Variants in PRIM2 observed in about 807,000 individuals in gnomAD.
The protein encoded by PRIM2 is DNA primase large subunit.
Under a neutral mutation model 67.3 loss-of-function variants are expected in PRIM2, and 39 were observed. The observed-to-expected ratio is 0.58, with a 90% CI of 0.45 to 0.76. PRIM2 has a LOEUF of 0.76. Among genes scored for constraint, PRIM2 ranks in the 30% least tolerant of loss-of-function variants. The pLI is 0.00. For missense variants in PRIM2, 398 were observed against 598.7 expected, an observed-to-expected ratio of 0.66 and a Z score of 3.50; for synonymous variants, 143 against 198.7, an observed-to-expected ratio of 0.72 and a Z score of 2.36.
intron 7 of PRIM2, among the ~76,000 whole-genome samples, chr6:57,483,484 A>G (rs1773677605): frequency 6.6e-6 from 1 of 152,218 alleles, no homozygotes; most frequent in African/African-American, 2.4e-5. Flanking sequence ...CATACTAGTC[A>G]TATAAGATAC....
chr6:57,377,043 ATT>A (rs140991831), intron 5 of PRIM2, among the ~76,000 whole-genome samples: 22 of 136,616 alleles, frequency 1.6e-4, no homozygotes, highest in Admixed American at 2.9e-4. Flanking sequence ...TGCCCAGCTA[ATT>A]TTTTTTTTTT....
chr6:57,598,189 C>T (rs1352864699), intron 10 of PRIM2, among the ~76,000 whole-genome samples: 2 of 152,168 alleles, frequency 1.3e-5, no homozygotes, highest in African/African-American at 4.8e-5. Context: ...TCCACAGCCA[C>T]TCACAGCTTC....
chr6:57,373,389 C>G (rs999626609), intron 5 of PRIM2, among the ~76,000 whole-genome samples: 3 of 151,808 alleles, frequency 2.0e-5, no homozygotes, highest in Non-Finnish European at 2.9e-5. Flanking sequence ...AAAATTTTCT[C>G]CCATTCTTTA....
At position 57,433,795 on chromosome 6, in the gene PRIM2, G is replaced by A. The variant is rs117980978; in HGVS notation, c.693+51627G>A. Among the ~76,000 whole-genome samples, 193 of 152,160 alleles carry A rather than the reference G, an allele frequency of 1.3e-3. 5 individuals are homozygous for A. In the East Asian group the frequency reaches 0.016, roughly 13 times the overall value. On this transcript the variant is annotated intron_variant, in intron 7 of 13. Coordinates refer to ENST00000615550, the MANE Select transcript of PRIM2 (RefSeq NM_000947.5). ...AGCAACTTATTTCACTTGTTTTATG[G>A]TATAAAAGTCATTCAAATTTCCTAA... is the stretch of plus-strand genomic sequence containing the variant.
chr6:57,416,595 T>G (rs1408248366), intron 7 of PRIM2, among the ~76,000 whole-genome samples: 1 of 152,198 alleles, frequency 6.6e-6, no homozygotes, highest in African/African-American at 2.4e-5. Context: ...ATATGGCATC[T>G]TCTTCCAGTA....
chr6:57,333,155 T>C (rs1230224294), intron 5 of PRIM2, among the ~76,000 whole-genome samples: 1 of 152,192 alleles, frequency 6.6e-6, no homozygotes, highest in Non-Finnish European at 1.5e-5. Context: ...TATGCTCTGT[T>C]CCCTACTCCC....
At chr6:57,478,993 A>G (rs1226793093) in intron 7 of PRIM2, among the ~76,000 whole-genome samples, 2 of 152,298 alleles carry the variant, frequency 1.3e-5, no homozygotes, top group East Asian at 1.9e-4. Flanking sequence ...TTAAAAATAC[A>G]AAATTAGCCG....
chr6:57,374,333 G>T (rs1262547786), intron 5 of PRIM2, among the ~76,000 whole-genome samples: 1 of 147,894 alleles, frequency 6.8e-6, no homozygotes, highest in Admixed American at 6.7e-5. Flanking sequence ...TCGCTCTGTC[G>T]CCCAGGCTGG....
intron 5 of PRIM2, among the ~76,000 whole-genome samples, chr6:57,375,314 A>C (rs1769725115): frequency 6.6e-6 from 1 of 152,212 alleles, no homozygotes; most frequent in African/African-American, 2.4e-5. Flanking sequence ...TTCTGCATCT[A>C]TTGAGATAAT....
the PRIM2 span, among the ~76,000 whole-genome samples, chr6:57,285,030 C>T: frequency 1.3e-5 from 2 of 151,992 alleles, no homozygotes; most frequent in Admixed American, 6.6e-5. Context: ...TAGAAGAAAT[C>T]GATAATTTCC....
intron 7 of PRIM2, among the ~76,000 whole-genome samples, chr6:57,415,633 T>G (rs1264366704): frequency 5.3e-5 from 8 of 152,142 alleles, no homozygotes; most frequent in Non-Finnish European, 1.2e-4. Context: ...AAGACAACCA[T>G]TCAGTGTGCT....
At chr6:57,292,385 T>C in the PRIM2 span, among the ~76,000 whole-genome samples, 3 of 152,118 alleles carry the variant, frequency 2.0e-5, no homozygotes, top group East Asian at 1.9e-4. Context: ...TGCTCATGGA[T>C]AGGAAGAATC....
chr6:57,326,380 T>C (rs1435890441), intron 5 of PRIM2: 1 of 180,180 alleles, frequency 5.6e-6, no homozygotes, highest in Non-Finnish European at 1.1e-5. Flanking sequence ...AGTGGTAGTT[T>C]CTTATTTATA....
intron 7 of PRIM2, among the ~76,000 whole-genome samples, chr6:57,459,488 C>A (rs1772924794): frequency 1.3e-5 from 2 of 152,172 alleles, no homozygotes; most frequent in African/African-American, 4.8e-5. Context: ...ATCTTTTTCA[C>A]AAATGGCAGG....
chr6:57,243,138 T>G, the PRIM2 span, among the ~76,000 whole-genome samples: 2 of 152,228 alleles, frequency 1.3e-5, no homozygotes, highest in Non-Finnish European at 2.9e-5. Flanking sequence ...AATGTTAATA[T>G]TGCATAGCCT....
At chr6:57,318,994 A>G (rs1231078141) in intron 2 of PRIM2, among the ~76,000 whole-genome samples, 6 of 152,232 alleles carry the variant, frequency 3.9e-5, no homozygotes, top group African/African-American at 1.4e-4. Flanking sequence ...TGACTGACTT[A>G]GTCTTATTAA....
At chr6:57,529,997 C>G (rs1250839551) in intron 8 of PRIM2, among the ~76,000 whole-genome samples, 50 of 151,996 alleles carry the variant, frequency 3.3e-4, no homozygotes, top group African/African-American at 1.1e-3. Context: ...CATGCCAGCT[C>G]AAGTCTCTCT....
At chr6:57,471,287 G>A (rs1365802388) in intron 7 of PRIM2, among the ~76,000 whole-genome samples, 1 of 152,130 alleles carries the variant, frequency 6.6e-6, no homozygotes, top group Non-Finnish European at 1.5e-5. Flanking sequence ...GGAGAGCCAA[G>A]GGGAGGGAGT....
chr6:57,244,741 C>A, the PRIM2 span, among the ~76,000 whole-genome samples: 18 of 145,996 alleles, frequency 1.2e-4, no homozygotes, highest in African/African-American at 1.3e-4. Flanking sequence ...AACTCCATCT[C>A]AAAAAAAAAA....
Sources: gnomAD v4.1 joint callset for allele counts (sites outside exome capture counted in the v4.1 genomes callset) on GRCh38, gnomAD v4.1.1 for gene constraint, MANE v1.5 for transcripts, NCBI Gene and HGNC (gene_info 2026-07-23, HGNC 2026-07-21) for gene names.